CD84: variants seen among roughly 807,000 people sequenced by gnomAD.
The protein encoded by CD84 is SLAM family member 5.
Under a neutral mutation model 33.8 loss-of-function variants are expected in CD84, and 22 were observed. That is an observed-to-expected ratio of 0.65 (90% CI 0.46 to 0.93). The LOEUF is 0.93. Ranked by LOEUF, CD84 falls within the 40% of genes least tolerant of loss-of-function variation. CD84 has a pLI of 0.00. For missense variants in CD84, 400 were observed against 397.6 expected (o/e 1.01, Z -0.05); for synonymous variants, 154 against 145.2 (o/e 1.06, Z -0.44).
chr1:160,549,410 A>G (rs763114301), intron 6 of CD84, among the ~76,000 whole-genome samples: 2 of 152,018 alleles, frequency 1.3e-5, no homozygotes, highest in Non-Finnish European at 2.9e-5. Flanking sequence ...CATATGACAG[A>G]GAAGGACATA....
chr1:160,553,796 G>T, intron 3 of CD84, 99 bp downstream of exon 3: 1 of 1,569,496 alleles, frequency 6.4e-7, no homozygotes, highest in East Asian at 2.3e-5. Flanking sequence ...AAAGATAAAG[G>T]AAGCACATCT....
At chr1:160,557,083 A>C (rs1656656915) in intron 2 of CD84, among the ~76,000 whole-genome samples, 1 of 152,178 alleles carries the variant, frequency 6.6e-6, no homozygotes, top group Non-Finnish European at 1.5e-5. Context: ...ATTTACTTTA[A>C]GGCAGGCACT....
At position 160,547,163 on chromosome 1, in the gene CD84, C is replaced by T; in HGVS notation, c.*1093G>A. On this transcript the variant is annotated 3_prime_UTR_variant, in exon 7 of 7. Transcript: ENST00000368054. ...ATGCCAGGGTGGCGGCACTCTGCCT[C>T]AGCTTAAACTCTAGTTCTCTGAGTC... 5.0e-6 allele frequency: 2 copies of T among 398,904 alleles called. No homozygotes were observed. Among genetic ancestry groups the T allele is most frequent in the Non-Finnish European group, 8.8e-6 (2 of 226,076 alleles). The allele number at this position is 398,904 out of a possible 1,614,324, so 24.7% of individuals were successfully genotyped here.
intron 1 of CD84, among the ~76,000 whole-genome samples, chr1:160,576,211 G>A (rs889502369): frequency 1.3e-5 from 2 of 151,942 alleles, no homozygotes; most frequent in Non-Finnish European, 2.9e-5. Context: ...TGATGGTTGG[G>A]GTCCAGTTAC....
At chr1:160,571,773 C>T (rs1365039983) in intron 1 of CD84, among the ~76,000 whole-genome samples, 2 of 152,146 alleles carry the variant, frequency 1.3e-5, no homozygotes, top group Non-Finnish European at 2.9e-5. Flanking sequence ...CCAGGTTTCC[C>T]TCTCATAGCA....
At chr1:160,573,303 A>G (rs1571388075) in intron 1 of CD84, among the ~76,000 whole-genome samples, 1 of 152,316 alleles carries the variant, frequency 6.6e-6, no homozygotes, top group South Asian at 2.1e-4. Context: ...AAAGTCAAAT[A>G]TGGATGACAA....
intron 1 of CD84, among the ~76,000 whole-genome samples, chr1:160,574,339 G>A (rs776639801): frequency 3.3e-5 from 5 of 152,054 alleles, no homozygotes; most frequent in Non-Finnish European, 7.4e-5. Context: ...TGTTTGTGAA[G>A]AAAATTTTTT....
At chr1:160,549,732 T>C (rs973102650) in intron 6 of CD84, among the ~76,000 whole-genome samples, 185 bp downstream of exon 6, 16 of 152,126 alleles carry the variant, frequency 1.1e-4, no homozygotes, top group African/African-American at 3.1e-4. Context: ...TGGATGGCCA[T>C]TGACCTAGGG....
At chr1:160,575,720 G>A (rs1657959089) in intron 1 of CD84, among the ~76,000 whole-genome samples, 1 of 152,100 alleles carries the variant, frequency 6.6e-6, no homozygotes, top group Non-Finnish European at 1.5e-5. Flanking sequence ...CAAACTTACA[G>A]GTCCATCCCT....
chr1:160,557,403 T>C (rs949696155), intron 2 of CD84, among the ~76,000 whole-genome samples: 5 of 152,244 alleles, frequency 3.3e-5, no homozygotes, highest in African/African-American at 1.2e-4. Context: ...CCTGATGATG[T>C]TGGTGCTGGG....
intron 6 of CD84, 61 bp from the exon 7 acceptor site, chr1:160,548,382 C>A: frequency 6.4e-7 from 1 of 1,564,196 alleles, no homozygotes; most frequent in South Asian, 1.1e-5. Context: ...GAACTCCAGT[C>A]CTGCAAGTTC....
At chr1:160,550,208 C>A (rs1343618908) in intron 5 of CD84, among the ~76,000 whole-genome samples, 1 of 151,696 alleles carries the variant, frequency 6.6e-6, no homozygotes, top group Non-Finnish European at 1.5e-5. Context: ...GGTGAAAAAC[C>A]TCAGGGGCCA....
At chr1:160,551,355 A>T in intron 4 of CD84, 1 of 303,430 alleles carries the variant, frequency 3.3e-6, no homozygotes, top group Non-Finnish European at 6.2e-6. Flanking sequence ...GACACTTACC[A>T]CTGACTGTCT....
At position 160,546,821 on chromosome 1, in the gene CD84, A is replaced by G. The variant is rs1285052073; in HGVS notation, c.*1435T>C. 4 of 279,656 alleles carry G rather than the reference A, an allele frequency of 1.4e-5. No individual in the cohort carries two copies. The highest frequency in any genetic ancestry group is 6.1e-5 in the East Asian group (1 of 16,434). The allele number at this position is 279,656 out of a possible 1,614,324, so 17.3% of individuals were successfully genotyped here. A position where few individuals can be genotyped will look rare whatever the true frequency, so the allele number is the denominator to read the frequency against. On this transcript the variant is annotated 3_prime_UTR_variant, in exon 7 of 7. Transcript: ENST00000368054. ...GTGCTGGAATTGTCTCCTGAGCTAC[A>G]CAAGAGCAGACATTATGCACATCTT...
At chr1:160,559,779 G>C (rs1392402460) in intron 2 of CD84, among the ~76,000 whole-genome samples, 1 of 152,130 alleles carries the variant, frequency 6.6e-6, no homozygotes, top group Non-Finnish European at 1.5e-5. Flanking sequence ...TAAAGGGATA[G>C]GGAAAAATTT....
rs560435860 is a variant in CD84 at position 160,547,695 on chromosome 1, A to G, written c.*561T>C. 3 of 159,204 alleles carry G rather than the reference A, an allele frequency of 1.9e-5. No homozygotes were observed. The highest frequency in any genetic ancestry group is 1.8e-4 in the Admixed American group (3 of 16,344). The allele number at this position is 159,204 out of a possible 1,614,324, so 9.9% of individuals were successfully genotyped here. ...GCTCTCCAAGCCATGCACTCGGGGGAAGGGCTGCATCTGCCTCAAGCGAAG... is the reference window on the plus strand; with the variant it reads ...GCTCTCCAAGCCATGCACTCGGGGGGAGGGCTGCATCTGCCTCAAGCGAAG... On this transcript the variant is annotated 3_prime_UTR_variant, in exon 7 of 7. Transcript: ENST00000368054.
rs199697616 is a variant in CD84 at position 160,572,577 on chromosome 1, G to GGA, written c.46+6814_46+6815insTC. On this transcript the variant is annotated intron_variant, in intron 1 of 6. Coordinates refer to ENST00000368054, the MANE Select transcript of CD84 (RefSeq NM_003874.4). ...TATTATTTTGGTGAATGTAAAAATT[G>GGA]GGGGGGGGAATGTTACTATAAGGAA... is the stretch of plus-strand genomic sequence containing the variant. 1.4e-3 allele frequency among the ~76,000 whole-genome samples: 187 copies of GGA among 133,492 alleles called. 4 individuals carry two copies. In the East Asian group the frequency reaches 0.029, roughly 21 times the overall value. 87.6% of individuals were successfully genotyped at this position (133,492 alleles called of 152,430 possible).
At position 160,547,427 on chromosome 1, in the gene CD84, G is replaced by T; in HGVS notation, c.*829C>A. 7 of 377,120 alleles carry T rather than the reference G, an allele frequency of 1.9e-5. No individual in the cohort carries two copies. Among genetic ancestry groups the T allele is most frequent in the Non-Finnish European group, 2.8e-5 (6 of 212,976 alleles). 23.4% of individuals were successfully genotyped at this position (377,120 alleles called of 1,614,324 possible). ...TACAGAAGGAAATCTTGGCCAGAAA[G>T]AAAATCCTATAAGGCTTCTGAAGTA... On this transcript the variant is annotated 3_prime_UTR_variant, in exon 7 of 7. Coordinates refer to ENST00000368054, the MANE Select transcript of CD84 (RefSeq NM_003874.4).
Position 160,553,423 on chromosome 1 carries a change from T to C in CD84, c.715A>G (p.Ile239Val), listed in dbSNP as rs779242384. 9.9e-6 allele frequency: 16 copies of C among 1,613,878 alleles called. No individual in the cohort carries two copies. The highest frequency in any genetic ancestry group is 6.7e-5 in the Admixed American group (4 of 59,998). The change falls in exon 4 of 7, where the codon ATT becomes GTT. Residue 239 changes from isoleucine (I) to valine (V), a missense_variant. Physicochemically the swap from Ile to Val is conservative, Grantham distance 29. Coordinates refer to ENST00000368054, the MANE Select transcript of CD84 (RefSeq NM_003874.4). ...VLAMFFLLVL[I>V]LSSVFLFRLF... ...CGGAACAAAAACACTGAAGACAGAA[T>C]GAGAACAAGCAGAAAGAACATAGCC...
Sources: allele counts gnomAD v4.1 joint callset (sites outside exome capture counted in the v4.1 genomes callset), GRCh38; gene constraint gnomAD v4.1.1; transcripts MANE v1.5; gene names NCBI Gene and HGNC (gene_info 2026-07-23, HGNC 2026-07-21).